The following SMYD3 variants were observed in gnomAD, a reference collection of about 807,000 sequenced individuals.
The protein encoded by SMYD3 is SET and MYND domain containing 3, also known as histone-lysine N-methyltransferase SMYD3.
SMYD3 carries 36 observed loss-of-function variants against 57.7 expected under a neutral mutation model. The observed-to-expected ratio is 0.62, with a 90% CI of 0.48 to 0.82. The LOEUF is 0.82. Ranked by LOEUF, SMYD3 falls within the 40% of genes least tolerant of loss-of-function variation. SMYD3 has a pLI of 0.00. For missense variants in SMYD3, 515 were observed against 538.8 expected (o/e 0.96, Z 0.44); for synonymous variants, 211 against 195.0 (o/e 1.08, Z -0.68).
chr1:246,449,851 GT>G (rs367920359), intron 1 of SMYD3, among the ~76,000 whole-genome samples: 2 of 151,994 alleles, frequency 1.3e-5, no homozygotes, highest in African/African-American at 2.4e-5. Flanking sequence ...GTGTGGAAAG[GT>G]TTTTTTTGTT....
chr1:245,768,324 C>A (rs183543654), intron 10 of SMYD3, among the ~76,000 whole-genome samples: 6 of 152,240 alleles, frequency 3.9e-5, no homozygotes, highest in African/African-American at 1.4e-4. Context: ...TTAACTCAGA[C>A]CCACAAGCAC....
intron 2 of SMYD3, among the ~76,000 whole-genome samples, chr1:246,348,786 C>T (rs1558416353): frequency 1.6e-5 from 1 of 62,054 alleles, no homozygotes; most frequent in South Asian, 7.8e-4. Flanking sequence ...AAATTTGAAA[C>T]AATAAAAATA....
At chr1:246,497,351 A>G (rs928543501) in intron 1 of SMYD3, among the ~76,000 whole-genome samples, 4 of 152,250 alleles carry the variant, frequency 2.6e-5, no homozygotes, top group Non-Finnish European at 4.4e-5. Context: ...CTAATTCAAA[A>G]TAAGAGTTAA....
At chr1:245,944,589 C>A (rs1269915354) in intron 5 of SMYD3, among the ~76,000 whole-genome samples, 8 of 152,176 alleles carry the variant, frequency 5.3e-5, no homozygotes, top group Admixed American at 5.2e-4. Flanking sequence ...AGATTCAATG[C>A]TATTCCCATT....
rs1440631872 is a variant in SMYD3, at chr1:245,978,563, C to CG, written c.532-48627dup. 3.3e-5 allele frequency among the ~76,000 whole-genome samples: 5 copies of CG among 152,056 alleles called. 1 individual carries two copies. In the East Asian group the frequency reaches 9.7e-4, roughly 29 times the overall value. On this transcript the variant is annotated intron_variant, in intron 5 of 11. Coordinates refer to ENST00000490107, the MANE Select transcript of SMYD3 (RefSeq NM_001167740.2). Reference sequence around the variant, plus strand: ...ATCTTTATTAGAAAAAAAATAAGTGCGGGAGGGCGGGGGGCAGAGAGAACT... The same window carrying CG: ...ATCTTTATTAGAAAAAAAATAAGTGCGGGGAGGGCGGGGGGCAGAGAGAACT...
chr1:246,284,577 C>T (rs1223234453), intron 5 of SMYD3, among the ~76,000 whole-genome samples: 2 of 151,930 alleles, frequency 1.3e-5, no homozygotes, highest in Admixed American at 6.6e-5. Context: ...CCACCACACC[C>T]GGCTAATTTT....
chr1:246,447,660 GAC>G (rs1307304670), intron 1 of SMYD3, among the ~76,000 whole-genome samples: 1 of 152,122 alleles, frequency 6.6e-6, no homozygotes, highest in Admixed American at 6.5e-5. Flanking sequence ...GAGCTAGCAG[GAC>G]ACACACACCA....
intron 5 of SMYD3, among the ~76,000 whole-genome samples, chr1:245,937,105 C>T (rs938513463): frequency 2.6e-5 from 4 of 152,076 alleles, no homozygotes; most frequent in African/African-American, 7.2e-5. Context: ...TGAGATACAT[C>T]CAACTGTTTT....
At chr1:246,443,319 T>C (rs1362643460) in intron 1 of SMYD3, among the ~76,000 whole-genome samples, 1 of 152,226 alleles carries the variant, frequency 6.6e-6, no homozygotes, top group Non-Finnish European at 1.5e-5. Context: ...CTAATGGAAT[T>C]TGATACATGG....
chr1:245,903,300 T>C (rs543698012), intron 8 of SMYD3, among the ~76,000 whole-genome samples: 43 of 152,140 alleles, frequency 2.8e-4, no homozygotes, highest in Admixed American at 9.8e-4. Context: ...GGTGAAAATC[T>C]AACAAAAAAG....
intron 5 of SMYD3, among the ~76,000 whole-genome samples, chr1:245,936,377 A>G (rs971452551): frequency 7.2e-6 from 1 of 138,472 alleles, no homozygotes; most frequent in Non-Finnish European, 1.6e-5. Context: ...TTTTTTTTGC[A>G]GATGGCGTGA....
intron 5 of SMYD3, among the ~76,000 whole-genome samples, chr1:246,299,830 A>C (rs2064861403): frequency 6.6e-6 from 1 of 151,726 alleles, no homozygotes; most frequent in African/African-American, 2.4e-5. Flanking sequence ...ACTGGGGCGC[A>C]CTTGAAGGTG....
chr1:246,219,650 C>G (rs1181190189), intron 5 of SMYD3, among the ~76,000 whole-genome samples: 6 of 152,274 alleles, frequency 3.9e-5, no homozygotes, highest in Non-Finnish European at 8.8e-5. Context: ...GCCCATTGAG[C>G]TGTTAACGCA....
chr1:246,476,904 A>G (rs1275760439), intron 1 of SMYD3, among the ~76,000 whole-genome samples: 2 of 152,210 alleles, frequency 1.3e-5, no homozygotes, highest in Non-Finnish European at 2.9e-5. Flanking sequence ...TCAATTATCA[A>G]ATACGTCACA....
chr1:246,226,117 T>C (rs2063326725), intron 5 of SMYD3, among the ~76,000 whole-genome samples: 1 of 152,216 alleles, frequency 6.6e-6, no homozygotes, highest in South Asian at 2.1e-4. Context: ...TCCACACACC[T>C]GCTCTATAAA....
At chr1:245,953,082 G>A (rs1042157023) in intron 5 of SMYD3, 3 of 520,468 alleles carry the variant, frequency 5.8e-6, no homozygotes, top group African/African-American at 4.2e-5. Context: ...ATGTGATCAT[G>A]AAATCCCCAA....
At chr1:245,899,607 A>C (rs2054056451) in intron 8 of SMYD3, among the ~76,000 whole-genome samples, 1 of 152,228 alleles carries the variant, frequency 6.6e-6, no homozygotes, top group South Asian at 2.1e-4. Context: ...TGACACCATT[A>C]GACCCATCTC....
chr1:246,277,644 T>A (rs1399195678), intron 5 of SMYD3, among the ~76,000 whole-genome samples: 1 of 152,184 alleles, frequency 6.6e-6, no homozygotes, highest in Non-Finnish European at 1.5e-5. Flanking sequence ...CATCAGCAGG[T>A]GAATGGATAA....
chr1:246,266,300 G>T (rs2064105383), intron 5 of SMYD3, among the ~76,000 whole-genome samples: 3 of 151,768 alleles, frequency 2.0e-5, no homozygotes, highest in Non-Finnish European at 4.4e-5. Context: ...TTTTTAATCG[G>T]GCAACTTTAT....
Sources: allele counts gnomAD v4.1 joint callset (sites outside exome capture counted in the v4.1 genomes callset), GRCh38; gene constraint gnomAD v4.1.1; transcripts MANE v1.5; gene names NCBI Gene and HGNC (gene_info 2026-07-23, HGNC 2026-07-21).